SLF1: variants seen among roughly 807,000 people sequenced by gnomAD.
SLF1 encodes the protein SMC5-SMC6 complex localization factor protein 1.
SLF1 carries 105 observed loss-of-function variants against 123.0 expected under a neutral mutation model. The observed-to-expected ratio is 0.85, with a 90% confidence interval of 0.73 to 1.00. The LOEUF is 1.00. Among genes scored for constraint, SLF1 ranks in the 50% least tolerant of loss-of-function variants. The pLI is 0.00. For synonymous variants in SLF1, 434 were observed against 406.6 expected (o/e 1.07, Z -0.81); for missense variants, 1,239 against 1,223.0 (o/e 1.01, Z -0.20).
chr5:94,677,054 A>G (rs1204837783), intron 14 of SLF1, among the ~76,000 whole-genome samples: 1 of 152,166 alleles, frequency 6.6e-6, no homozygotes, highest in Non-Finnish European at 1.5e-5. Context: ...TAATACACTG[A>G]AATACACATA....
At chr5:94,648,778 C>T (rs1561439109) in intron 5 of SLF1, among the ~76,000 whole-genome samples, 1 of 152,206 alleles carries the variant, frequency 6.6e-6, no homozygotes, top group Non-Finnish European at 1.5e-5. Flanking sequence ...CCGTGCCCAG[C>T]CTGAACAGCC....
chr5:94,662,645 G>A (rs1289373280), intron 10 of SLF1, among the ~76,000 whole-genome samples: 1 of 152,116 alleles, frequency 6.6e-6, no homozygotes, highest in Non-Finnish European at 1.5e-5. Context: ...CTTTCATAAT[G>A]ACTACTTTTA....
At chr5:94,629,004 C>T (rs1744917846) in intron 2 of SLF1, 80 bp downstream of exon 2, 2 of 1,391,808 alleles carry the variant, frequency 1.4e-6, no homozygotes, top group East Asian at 5.1e-5. Flanking sequence ...TGATAAAATG[C>T]CTTCTTGATA....
chr5:94,627,382 A>C (rs1012648464), intron 1 of SLF1, among the ~76,000 whole-genome samples: 18 of 151,980 alleles, frequency 1.2e-4, no homozygotes, highest in African/African-American at 2.2e-4. Flanking sequence ...CTAGTTCTCC[A>C]GTTCAACTTC....
intron 15 of SLF1, among the ~76,000 whole-genome samples, chr5:94,686,117 G>A (rs1234285037): frequency 6.6e-6 from 1 of 152,146 alleles, no homozygotes; most frequent in Non-Finnish European, 1.5e-5. Context: ...GTCATAGGAA[G>A]CAGTCTACTT....
intron 12 of SLF1, among the ~76,000 whole-genome samples, chr5:94,669,186 A>T (rs1267381712): frequency 6.6e-6 from 1 of 152,194 alleles, no homozygotes; most frequent in African/African-American, 2.4e-5. Context: ...ATATTCCATA[A>T]TGCATAGAGA....
At chr5:94,638,362 G>A (rs535909487) in intron 4 of SLF1, among the ~76,000 whole-genome samples, 29 of 151,910 alleles carry the variant, frequency 1.9e-4, no homozygotes, top group African/African-American at 6.8e-4. Context: ...TGTGTTTTTA[G>A]TAGGGACAGA....
intron 9 of SLF1, among the ~76,000 whole-genome samples, chr5:94,662,023 A>G (rs1749180719): frequency 6.6e-6 from 1 of 152,176 alleles, no homozygotes; most frequent in South Asian, 2.1e-4. Flanking sequence ...TCTAATAATT[A>G]CGACACTAAG....
chr5:94,639,092 G>GTGCA (rs1746161201), intron 4 of SLF1, among the ~76,000 whole-genome samples: 1 of 133,358 alleles, frequency 7.5e-6, no homozygotes, highest in African/African-American at 2.9e-5. Flanking sequence ...TCAGGCTGGA[G>GTGCA]TGCAGTGGCA....
chr5:94,678,455 T>C (rs1298707165), intron 14 of SLF1: 2 of 161,638 alleles, frequency 1.2e-5, no homozygotes, highest in East Asian at 1.7e-4. Flanking sequence ...TCTTTTATAG[T>C]CCTATCTCTC....
In SLF1 at chr5:94,696,130, A is replaced by G. The variant is rs1585255077; in HGVS notation, c.*818A>G. Reference sequence around the variant, plus strand: ...TGAATTTACTGAGTAGTAATGTTTTAATTTGCAGTTTTTCCTTATAGCAGT... The same window carrying G: ...TGAATTTACTGAGTAGTAATGTTTTGATTTGCAGTTTTTCCTTATAGCAGT... On this transcript the variant is annotated 3_prime_UTR_variant, in exon 21 of 21. Transcript: ENST00000265140. The G allele has an allele frequency of 6.6e-6, 1 of 151,906 alleles. No homozygotes were observed. Among genetic ancestry groups the G allele is most frequent in the South Asian group, 2.1e-4 (1 of 4,828 alleles). 9.4% of individuals were successfully genotyped at this position (151,906 alleles called of 1,614,324 possible). A position where few individuals can be genotyped will look rare whatever the true frequency, so the allele number is the denominator to read the frequency against.
intron 6 of SLF1, among the ~76,000 whole-genome samples, chr5:94,650,861 T>G (rs568778046): frequency 1.3e-5 from 2 of 152,294 alleles, no homozygotes; most frequent in Non-Finnish European, 2.9e-5. Flanking sequence ...TATAGCATTT[T>G]TACATATAGA....
chr5:94,680,561 T>C (rs1751649102), intron 15 of SLF1, among the ~76,000 whole-genome samples: 1 of 152,212 alleles, frequency 6.6e-6, no homozygotes, highest in Non-Finnish European at 1.5e-5. Context: ...CTTAATGAAA[T>C]TTGAGTTTGG....
intron 9 of SLF1, among the ~76,000 whole-genome samples, chr5:94,660,705 G>A (rs1480131313): frequency 6.6e-6 from 1 of 152,188 alleles, no homozygotes; most frequent in Non-Finnish European, 1.5e-5. Flanking sequence ...CCCCCAGTGG[G>A]CCACTCCTCA....
intron 12 of SLF1, among the ~76,000 whole-genome samples, chr5:94,666,899 G>C (rs1047318496): frequency 1.3e-5 from 2 of 150,708 alleles, no homozygotes; most frequent in African/African-American, 4.9e-5. Context: ...CCTGACTTGG[G>C]CTCCCAAAGT....
intron 4 of SLF1, among the ~76,000 whole-genome samples, chr5:94,639,669 T>C (rs1320525941): frequency 6.6e-6 from 1 of 152,204 alleles, no homozygotes; most frequent in African/African-American, 2.4e-5. Flanking sequence ...GAAGCCTTAC[T>C]GATAATGTAA....
chr5:94,677,362 C>T (rs1247979617), intron 14 of SLF1, among the ~76,000 whole-genome samples: 1 of 152,018 alleles, frequency 6.6e-6, no homozygotes, highest in Non-Finnish European at 1.5e-5. Flanking sequence ...GGGTAAAAGG[C>T]ATGTGAAAAG....
In SLF1 at chr5:94,697,529, A is replaced by G. The variant is rs190767626; in HGVS notation, c.*2217A>G. The G allele has an allele frequency of 6.6e-6, 1 of 152,006 alleles. No homozygotes were observed. Among genetic ancestry groups the G allele is most frequent in the Non-Finnish European group, 1.5e-5 (1 of 67,886 alleles). The allele number at this position is 152,006 out of a possible 1,614,324, so 9.4% of individuals were successfully genotyped here. On this transcript the variant is annotated 3_prime_UTR_variant, in exon 21 of 21. Transcript: ENST00000265140. ...TTCACTGTATTTTGCCAGATGTGAT[A>G]TCATAGTTCTATGGAATCATATTTT...
chr5:94,682,152 A>G (rs1239079547), intron 15 of SLF1, among the ~76,000 whole-genome samples: 1 of 152,226 alleles, frequency 6.6e-6, no homozygotes, highest in Non-Finnish European at 1.5e-5. Flanking sequence ...GATCAAATAT[A>G]TTAATAGATC....
Sources: gnomAD v4.1 joint callset for allele counts (sites outside exome capture counted in the v4.1 genomes callset) on GRCh38, gnomAD v4.1.1 for gene constraint, MANE v1.5 for transcripts, NCBI Gene and HGNC (gene_info 2026-07-23, HGNC 2026-07-21) for gene names.